Variants in STXBP5L observed in about 807,000 individuals in gnomAD.
The protein encoded by STXBP5L is syntaxin binding protein 5L, also known as syntaxin-binding protein 5-like.
In STXBP5L, 65 loss-of-function variants were observed where a neutral mutation model predicts 144.5. That is an observed-to-expected ratio of 0.45 (90% CI 0.37 to 0.55). The LOEUF is 0.55. STXBP5L is among the 20% of genes least tolerant of loss of function. STXBP5L has a pLI of 0.00. For synonymous variants in STXBP5L, 505 were observed against 469.6 expected (o/e 1.08, Z -0.97); for missense variants, 1,298 against 1,405.5 (o/e 0.92, Z 1.22).
At chr3:121,082,313 C>T (rs1001883644) in intron 5 of STXBP5L, among the ~76,000 whole-genome samples, 1 of 151,690 alleles carries the variant, frequency 6.6e-6, no homozygotes, top group African/African-American at 2.4e-5. Context: ...TTTTGGCATA[C>T]AAATCATGTA....
chr3:121,134,252 A>T (rs1342255559), intron 7 of STXBP5L, among the ~76,000 whole-genome samples: 1 of 152,102 alleles, frequency 6.6e-6, no homozygotes, highest in African/African-American at 2.4e-5. Context: ...ATTCTAGCTC[A>T]GGTCTTTCTT....
chr3:121,376,101 G>A lies in STXBP5L; in HGVS notation c.2177-2615G>A, dbSNP rs6772711. Among the ~76,000 whole-genome samples the A allele has an allele frequency of 3.9e-3, 601 of 152,230 alleles. 7 individuals are homozygous for A. Among genetic ancestry groups the A allele is most frequent in the African/African-American group, 8.3e-3 (346 of 41,542 alleles). On this transcript the variant is annotated intron_variant, in intron 20 of 26. Coordinates refer to ENST00000471454, the MANE Select transcript of STXBP5L (RefSeq NM_001308330.2). ...AGACCGACAATCGTAATTAACTTTT[G>A]TTCTGAGTTTACTGTATGCCAGCAC...
chr3:121,092,861 G>A (rs2042889257), intron 5 of STXBP5L, among the ~76,000 whole-genome samples: 1 of 152,154 alleles, frequency 6.6e-6, no homozygotes, highest in Non-Finnish European at 1.5e-5. Context: ...GTTTTCAAAG[G>A]GAATGCTTCC....
chr3:121,354,168 G>T (rs1478891139), intron 20 of STXBP5L, among the ~76,000 whole-genome samples: 1 of 152,192 alleles, frequency 6.6e-6, no homozygotes, highest in South Asian at 2.1e-4. Flanking sequence ...TTGATTTGGG[G>T]TGGAGAGTTC....
intron 3 of STXBP5L, among the ~76,000 whole-genome samples, chr3:120,990,538 C>A (rs561324501): frequency 1.3e-5 from 2 of 152,178 alleles, no homozygotes; most frequent in African/African-American, 2.4e-5. Flanking sequence ...GGAGGCATCA[C>A]GCTACCTGAC....
intron 3 of STXBP5L, among the ~76,000 whole-genome samples, chr3:120,981,763 G>A (rs1486527371): frequency 3.9e-5 from 6 of 152,124 alleles, no homozygotes; most frequent in Non-Finnish European, 5.9e-5. Flanking sequence ...CATATTGCCA[G>A]TGTTCTTATG....
At chr3:121,071,626 G>T (rs978247611) in intron 5 of STXBP5L, among the ~76,000 whole-genome samples, 1 of 152,122 alleles carries the variant, frequency 6.6e-6, no homozygotes, top group African/African-American at 2.4e-5. Flanking sequence ...TCACAATATG[G>T]GGACCATCCC....
At chr3:121,015,150 T>G (rs1013403820) in intron 3 of STXBP5L, among the ~76,000 whole-genome samples, 1 of 152,158 alleles carries the variant, frequency 6.6e-6, no homozygotes, top group Non-Finnish European at 1.5e-5. Flanking sequence ...TTTTTGTTTT[T>G]ATTTTTGGTA....
intron 22 of STXBP5L, among the ~76,000 whole-genome samples, chr3:121,404,605 A>G (rs929334810): frequency 9.9e-5 from 15 of 152,238 alleles, no homozygotes; most frequent in Middle Eastern, 3.4e-3. Flanking sequence ...CCTCCTATGA[A>G]TCTTCTTGGC....
intron 20 of STXBP5L, among the ~76,000 whole-genome samples, chr3:121,337,018 C>T (rs2044530752): frequency 6.6e-6 from 1 of 152,142 alleles, no homozygotes; most frequent in East Asian, 1.9e-4. Context: ...CCAAATACTG[C>T]ATGTTCTCAT....
chr3:121,307,490 C>T (rs1241572290), intron 19 of STXBP5L, among the ~76,000 whole-genome samples: 2 of 151,938 alleles, frequency 1.3e-5, no homozygotes, highest in East Asian at 3.9e-4. Flanking sequence ...ACAAAAAGAA[C>T]CAAATGGAAA....
intron 14 of STXBP5L, among the ~76,000 whole-genome samples, chr3:121,246,776 G>T (rs1284722311): frequency 1.3e-5 from 2 of 152,112 alleles, no homozygotes; most frequent in East Asian, 3.9e-4. Flanking sequence ...ATTAATACAT[G>T]TAAGAAATAT....
At chr3:121,245,939 C>T (rs1162528508) in intron 14 of STXBP5L, among the ~76,000 whole-genome samples, 2 of 152,134 alleles carry the variant, frequency 1.3e-5, no homozygotes, top group Non-Finnish European at 2.9e-5. Context: ...AACAATTGGG[C>T]CTAACAGACA....
chr3:120,981,302 C>T (rs914434065), intron 3 of STXBP5L, among the ~76,000 whole-genome samples: 2 of 152,092 alleles, frequency 1.3e-5, no homozygotes. Flanking sequence ...TTTTTTAATA[C>T]TTTTTACATC....
chr3:121,322,734 C>T (rs2044018059), intron 20 of STXBP5L, among the ~76,000 whole-genome samples: 1 of 151,954 alleles, frequency 6.6e-6, no homozygotes, highest in Non-Finnish European at 1.5e-5. Context: ...GATTGCTAGG[C>T]TGAATAGTAG....
intron 14 of STXBP5L, among the ~76,000 whole-genome samples, chr3:121,242,235 C>G (rs1031239210): frequency 2.6e-5 from 4 of 152,068 alleles, no homozygotes; most frequent in Non-Finnish European, 4.4e-5. Flanking sequence ...TGGATAAATA[C>G]AATAGGCTTT....
intron 9 of STXBP5L, among the ~76,000 whole-genome samples, chr3:121,197,553 G>A (rs1444803470): frequency 6.6e-6 from 1 of 152,030 alleles, no homozygotes; most frequent in African/African-American, 2.4e-5. Flanking sequence ...TTGTTACATA[G>A]GTATACATGT....
intron 9 of STXBP5L, among the ~76,000 whole-genome samples, chr3:121,184,859 C>G (rs1456528941): frequency 6.6e-6 from 1 of 152,194 alleles, no homozygotes; most frequent in Non-Finnish European, 1.5e-5. Context: ...GGACTAACAG[C>G]AGATCTCTCA....
intron 7 of STXBP5L, among the ~76,000 whole-genome samples, chr3:121,149,896 A>T (rs2045869402): frequency 6.6e-6 from 1 of 152,056 alleles, no homozygotes; most frequent in Admixed American, 6.5e-5. Context: ...TCAAAGTCAA[A>T]TGCTTATATC....
Sources: allele counts gnomAD v4.1 joint callset (sites outside exome capture counted in the v4.1 genomes callset), GRCh38; gene constraint gnomAD v4.1.1; transcripts MANE v1.5; gene names NCBI Gene and HGNC (gene_info 2026-07-23, HGNC 2026-07-21).